Variants in PCDH15 observed in about 807,000 individuals in gnomAD.
PCDH15 encodes protocadherin-15.
A neutral mutation model predicts 178.5 loss-of-function variants in PCDH15; 129 were observed. The ratio of observed to expected loss-of-function variants is 0.72; its 90% CI spans 0.63 to 0.84. PCDH15 has a LOEUF of 0.84. Among genes scored for constraint, PCDH15 ranks in the 40% least tolerant of loss-of-function variants. The pLI, the probability that PCDH15 is intolerant of heterozygous loss-of-function variation, is 0.00. For synonymous variants in PCDH15, 800 were observed against 732.0 expected, an observed-to-expected ratio of 1.09 and a Z score of -1.50; for missense variants, 2,230 against 2,099.9, an observed-to-expected ratio of 1.06 and a Z score of -1.21.
At chr10:54,842,246 A>C (rs1035489199) in intron 3 of PCDH15, among the ~76,000 whole-genome samples, 2 of 151,504 alleles carry the variant, frequency 1.3e-5, no homozygotes, top group African/African-American at 4.8e-5. Context: ...GACAGATTTA[A>C]TTGGTAGAGT....
At chr10:54,005,860 T>C (rs2092367280) in intron 20 of PCDH15, among the ~76,000 whole-genome samples, 1 of 151,910 alleles carries the variant, frequency 6.6e-6, no homozygotes, top group Non-Finnish European at 1.5e-5. Flanking sequence ...TGCACTCCCA[T>C]GTTTATTGCA....
chr10:55,334,224 A>G (rs1588924008), intron 2 of PCDH15, among the ~76,000 whole-genome samples: 4 of 79,366 alleles, frequency 5.0e-5, no homozygotes, highest in Non-Finnish European at 9.3e-5. Flanking sequence ...GGTGCTCCAT[A>G]TATATATATA....
chr10:55,441,094 T>G (rs1412927877), intron 2 of PCDH15, among the ~76,000 whole-genome samples: 1 of 152,174 alleles, frequency 6.6e-6, no homozygotes, highest in Non-Finnish European at 1.5e-5. Context: ...CATAAAACAT[T>G]ACTCTAAGAA....
At chr10:55,184,867 C>T (rs1176164007) in intron 1 of PCDH15, among the ~76,000 whole-genome samples, 1 of 151,790 alleles carries the variant, frequency 6.6e-6, no homozygotes, top group Non-Finnish European at 1.5e-5. Context: ...CAAATATTGC[C>T]ACATTTATCA....
chr10:54,413,884 G>C (rs574930078), intron 3 of PCDH15, among the ~76,000 whole-genome samples: 26 of 152,170 alleles, frequency 1.7e-4, no homozygotes, highest in Admixed American at 1.5e-3. Context: ...GAGGGTGGGA[G>C]GAGGGTACTG....
chr10:54,418,050 AGGTGCCCAGCCAC>A (rs1400125490), intron 3 of PCDH15, among the ~76,000 whole-genome samples: 1 of 152,168 alleles, frequency 6.6e-6, no homozygotes, highest in African/African-American at 2.4e-5. Flanking sequence ...CTGGAATTGC[AGGTGCCCAGCCAC>A]TGTGCCCAGC....
intron 2 of PCDH15, among the ~76,000 whole-genome samples, chr10:55,566,102 C>T (rs151211883): frequency 3.3e-5 from 5 of 151,268 alleles, no homozygotes; most frequent in African/African-American, 4.8e-5. Flanking sequence ...GATTACAGAC[C>T]GCAAGCAAAA....
chr10:55,324,870 A>G (rs1214015198), intron 2 of PCDH15, among the ~76,000 whole-genome samples: 1 of 152,146 alleles, frequency 6.6e-6, no homozygotes, highest in Admixed American at 6.5e-5. Flanking sequence ...AAATACAGGA[A>G]AGTTTCAGGA....
intron 9 of PCDH15, among the ~76,000 whole-genome samples, chr10:54,229,047 G>A (rs2053776245): frequency 1.3e-5 from 2 of 152,030 alleles, no homozygotes. Flanking sequence ...TCAAAAAAAT[G>A]AATAAATAGC....
At chr10:54,179,144 C>A (rs111912056) in intron 13 of PCDH15, among the ~76,000 whole-genome samples, 8,635 of 151,968 alleles carry the variant, frequency 0.057, 829 homozygotes, top group African/African-American at 0.19. Flanking sequence ...CACTATTCAC[C>A]ATAGCAAAGA....
intron 21 of PCDH15, among the ~76,000 whole-genome samples, chr10:53,964,436 T>G (rs1195989375): frequency 7.6e-6 from 1 of 132,218 alleles, no homozygotes; most frequent in African/African-American, 2.5e-5. Context: ...TTCATAAAAT[T>G]TTTATAAAAT....
intron 1 of PCDH15, among the ~76,000 whole-genome samples, chr10:54,788,521 G>T (rs1951100211): frequency 6.6e-6 from 1 of 151,754 alleles, no homozygotes; most frequent in African/African-American, 2.4e-5. Context: ...ATGGAAGGCT[G>T]GAGGGGAAAA....
intron 23 of PCDH15, among the ~76,000 whole-genome samples, chr10:53,945,131 G>T (rs1209380332): frequency 6.6e-6 from 1 of 151,984 alleles, no homozygotes. Flanking sequence ...ATGTAAAACA[G>T]CTGTGTATTT....
At chr10:54,608,265 T>C (rs2092832790) in intron 2 of PCDH15, among the ~76,000 whole-genome samples, 1 of 150,264 alleles carries the variant, frequency 6.7e-6, no homozygotes, top group South Asian at 2.1e-4. Flanking sequence ...CCCAGGAGTT[T>C]AGGACGAGCA....
chr10:54,662,917 C>G lies in PCDH15; in HGVS notation c.91+1255G>C, dbSNP rs143827755. ...TCAAAATAGCAGTTATTTATACATA[C>G]TGCTTTTAAAAATCATTTTTAGGCT... On this transcript the variant is annotated intron_variant, in intron 2 of 37. Transcript: ENST00000644397. 2.8e-3 allele frequency among the ~76,000 whole-genome samples: 433 copies of G among 152,028 alleles called. 4 individuals carry two copies. The highest frequency in any genetic ancestry group is 9.4e-3 in the African/African-American group (390 of 41,518).
intron 3 of PCDH15, among the ~76,000 whole-genome samples, chr10:54,428,043 T>C (rs1335389642): frequency 1.3e-5 from 2 of 152,184 alleles, no homozygotes; most frequent in Non-Finnish European, 2.9e-5. Flanking sequence ...TTGAAGCCGA[T>C]ATAAGAGAAA....
intron 8 of PCDH15, among the ~76,000 whole-genome samples, chr10:54,288,078 C>A (rs991939777): frequency 6.6e-6 from 1 of 152,034 alleles, no homozygotes. Context: ...AATCTCAGCA[C>A]TTTGGGAGGC....
chr10:55,505,308 G>A (rs1840737625), intron 2 of PCDH15, among the ~76,000 whole-genome samples: 1 of 151,282 alleles, frequency 6.6e-6, no homozygotes, highest in African/African-American at 2.4e-5. Flanking sequence ...TATGATCTTA[G>A]ATATTTATTA....
At chr10:54,779,466 ATATATATACACACATATATATG>A (rs200883260) in intron 1 of PCDH15, among the ~76,000 whole-genome samples, 1,101 of 94,248 alleles carry the variant, frequency 0.012, 42 homozygotes, top group East Asian at 0.057. Context: ...ATATGTGTGT[ATATATATACACACATATATATG>A]TATATATATA....
Sources: gnomAD v4.1 joint callset for allele counts (sites outside exome capture counted in the v4.1 genomes callset) on GRCh38, gnomAD v4.1.1 for gene constraint, MANE v1.5 for transcripts, NCBI Gene and HGNC (gene_info 2026-07-23, HGNC 2026-07-21) for gene names.